TYK2: variants seen among roughly 807,000 people sequenced by gnomAD.
The protein encoded by TYK2 is tyrosine kinase 2.
A neutral mutation model predicts 130.9 loss-of-function variants in TYK2; 65 were observed. The observed-to-expected ratio is 0.50, with a 90% CI of 0.41 to 0.61. TYK2 has a LOEUF of 0.61. Among genes scored for constraint, TYK2 ranks in the 20% least tolerant of loss-of-function variants. The pLI is 0.00. For synonymous variants in TYK2, 647 were observed against 658.9 expected, an observed-to-expected ratio of 0.98 and a Z score of 0.28; for missense variants, 1,378 against 1,610.7, an observed-to-expected ratio of 0.86 and a Z score of 2.47.
At chr19:10,371,416 G>A (rs1291389527) in intron 3 of TYK2, among the ~76,000 whole-genome samples, 8 of 152,056 alleles carry the variant, frequency 5.3e-5, no homozygotes, top group Admixed American at 2.0e-4. Context: ...TGAGGGAGGC[G>A]GATCACCTGA....
intron 14 of TYK2, among the ~76,000 whole-genome samples, chr19:10,359,721 T>G (rs1344999222): frequency 2.0e-5 from 3 of 151,320 alleles, no homozygotes; most frequent in African/African-American, 2.4e-5. Flanking sequence ...GGCTCACGCC[T>G]GTAATCCCAG....
In TYK2 at chr19:10,364,601, A is replaced by G; in HGVS notation, c.1367+13T>C. The G allele has an allele frequency of 6.2e-7, 1 of 1,613,288 alleles. No individual in the cohort carries two copies. Among genetic ancestry groups the G allele is most frequent in the Non-Finnish European group, 8.5e-7 (1 of 1,179,892 alleles). On this transcript the variant is annotated intron_variant, in intron 9 of 24. Coordinates refer to ENST00000525621, the MANE Select transcript of TYK2 (RefSeq NM_003331.5). The surrounding 1 kb of genome is among the most constrained non-coding windows in gnomAD (Gnocchi z 4.9). The stretch of plus-strand genomic sequence containing the variant: ...TTGGCGGTGGCCCCCAGCGCCCCCC[A>G]CCCAGCACTCACAGCAGGGGTCCGT...
At chr19:10,369,013 T>C (rs1012418683) in intron 3 of TYK2, among the ~76,000 whole-genome samples, 1 of 152,158 alleles carries the variant, frequency 6.6e-6, no homozygotes, top group Admixed American at 6.6e-5. Flanking sequence ...TTCGCCATGT[T>C]GGCCAGGCTG....
At chr19:10,372,480 A>T (rs746958663) in intron 3 of TYK2, among the ~76,000 whole-genome samples, 2,104 of 63,584 alleles carry the variant, frequency 0.033, 83 homozygotes, top group Non-Finnish European at 0.039. Flanking sequence ...ATATATATAT[A>T]TATATTTTTT....
intron 3 of TYK2, among the ~76,000 whole-genome samples, chr19:10,375,475 G>A (rs193046105): frequency 8.4e-4 from 127 of 152,068 alleles, no homozygotes; most frequent in African/African-American, 2.8e-3. Flanking sequence ...AAAACTAGCC[G>A]GGCGTGGGGT....
chr19:10,375,732 C>T (rs1416580715), intron 3 of TYK2, among the ~76,000 whole-genome samples: 18 of 140,000 alleles, frequency 1.3e-4, no homozygotes, highest in Non-Finnish European at 2.6e-4. Context: ...CTGGCTAACA[C>T]GGTGAAACCC....
intron 3 of TYK2, 88 bp from the exon 4 acceptor site, chr19:10,368,506 A>G (rs758231071): frequency 4.0e-5 from 64 of 1,587,698 alleles, no homozygotes; most frequent in Non-Finnish European, 1.0e-5. Flanking sequence ...CTGCCTTCAC[A>G]CTCCCTCTGA....
intron 22 of TYK2, 146 bp downstream of exon 22, chr19:10,352,780 C>T (rs998999125): frequency 1.3e-5 from 14 of 1,105,644 alleles, no homozygotes; most frequent in Non-Finnish European, 1.8e-5. Context: ...CCGCCCCTTG[C>T]CTCCATAGGC....
intron 9 of TYK2, among the ~76,000 whole-genome samples, chr19:10,363,506 G>C (rs2145230648): frequency 6.6e-6 from 1 of 152,210 alleles, no homozygotes; most frequent in South Asian, 2.1e-4. Flanking sequence ...CTTGACGCCA[G>C]ACGGGCCCTG....
rs186050577 is a variant in TYK2 at position 10,377,718 on chromosome 19, A to T, written c.193+496T>A. 3.0e-3 allele frequency among the ~76,000 whole-genome samples: 71 copies of T among 23,548 alleles called. 2 individuals carry two copies. The highest frequency in any genetic ancestry group is 3.9e-3 in the Non-Finnish European group (48 of 12,450). 15.4% of individuals were successfully genotyped at this position (23,548 alleles called of 152,430 possible). ...GATAGATGGATGAATGGGTGGGTGG[A>T]TGGATGGGTGGATGGGTGGGTGGGT... On this transcript the variant is annotated intron_variant, in intron 3 of 24. Transcript: ENST00000525621.
chr19:10,376,007 CTTTTTT>C (rs898207480), intron 3 of TYK2, among the ~76,000 whole-genome samples: 1 of 134,644 alleles, frequency 7.4e-6, no homozygotes, highest in Non-Finnish European at 1.6e-5. Flanking sequence ...GCCTTTCTTT[CTTTTTT>C]TTTTTTTTTT....
At chr19:10,378,568 C>G (rs2042253562) in intron 2 of TYK2, 142 bp from the exon 3 acceptor site, 2 of 658,374 alleles carry the variant, frequency 3.0e-6, no homozygotes. Context: ...ACCCGATTCC[C>G]TCTCTGAGTC....
rs144332908 is a variant in TYK2, at chr19:10,354,557, C to G, written c.2670G>C (p.Thr890=). ...VNPDSPASDP[T]VFHKRYLKKI... is the part of the protein sequence containing the mutation. Reference sequence around the variant, plus strand: ...TTTTCAAATAGCGCTTGTGGAAAACCGTAGGGTCCGACGCCGGTGAGTCCG... The same window carrying G: ...TTTTCAAATAGCGCTTGTGGAAAACGGTAGGGTCCGACGCCGGTGAGTCCG... Residue 890 remains threonine, a synonymous_variant, in exon 19 of 25, where the codon ACG becomes ACC. Transcript: ENST00000525621. The G allele has an allele frequency of 3.4e-4, 551 of 1,613,908 alleles. No individual in the cohort carries two copies. Among genetic ancestry groups the G allele is most frequent in the Non-Finnish European group, 4.5e-4 (533 of 1,180,030 alleles).
At chr19:10,358,543 T>G (rs1385846170) in intron 15 of TYK2, among the ~76,000 whole-genome samples, 2 of 151,906 alleles carry the variant, frequency 1.3e-5, no homozygotes, top group African/African-American at 4.8e-5. Context: ...GGCCTCAAAT[T>G]CCTGAGCTCA....
Position 10,365,665 on chromosome 19 carries a change from C to G in TYK2, c.863G>C (p.Gly288Ala). ...ACTGTCCCGGATGTAGCAGGGCTCCCCCTCGGCCTGGGCCAGCAGCCTCAG... is the reference window on the plus strand; with the variant it reads ...ACTGTCCCGGATGTAGCAGGGCTCCGCCTCGGCCTGGGCCAGCAGCCTCAG... ...CHLRLLAQAE[G>A]EPCYIRDSGV... Residue 288 changes from glycine (G) to alanine (A), a missense_variant, in exon 7 of 25, where the codon GGG (glycine) becomes GCG (alanine). Gly to Ala is a moderately conservative substitution (Grantham distance 60). Coordinates refer to ENST00000525621, the MANE Select transcript of TYK2 (RefSeq NM_003331.5). 6.2e-7 allele frequency: 1 copy of G among 1,613,514 alleles called. No individual in the cohort carries two copies. The highest frequency in any genetic ancestry group is 8.5e-7 in the Non-Finnish European group (1 of 1,179,854).
Position 10,378,216 on chromosome 19 carries a change from A to T in TYK2, c.191T>A (p.Val64Asp). ...EEVCIHIAHK[V>D]GITPPCFNLF... Reference sequence around the variant, plus strand: ...TGGTGCCAACGCCCCAGACTCACCAACTTTATGTGCAATGTGGATGCAGAC... The same window carrying T: ...TGGTGCCAACGCCCCAGACTCACCATCTTTATGTGCAATGTGGATGCAGAC... The change falls in exon 3 of 25, where the codon GTT becomes GAT. Residue 64 changes from valine (V) to aspartate (D), a missense_variant and splice_region_variant. Coordinates refer to ENST00000525621, the MANE Select transcript of TYK2 (RefSeq NM_003331.5). 6.2e-7 allele frequency: 1 copy of T among 1,612,884 alleles called. No individual in the cohort carries two copies.
intron 5 of TYK2, among the ~76,000 whole-genome samples, chr19:10,366,952 G>C (rs1489068821): frequency 2.0e-5 from 3 of 151,610 alleles, no homozygotes; most frequent in Non-Finnish European, 4.4e-5. Flanking sequence ...GCTGAGGCAG[G>C]AGAATCACTT....
Position 10,353,171 on chromosome 19 carries a change from G to T in TYK2, c.3028-73C>A. The T allele has an allele frequency of 7.5e-7, 1 of 1,327,382 alleles. No individual in the cohort carries two copies. Among genetic ancestry groups the T allele is most frequent in the Non-Finnish European group, 9.9e-7 (1 of 1,007,368 alleles). 82.2% of individuals were successfully genotyped at this position (1,327,382 alleles called of 1,614,324 possible). A position where few individuals can be genotyped will look rare whatever the true frequency, so the allele number is the denominator to read the frequency against. On this transcript the variant is annotated intron_variant, in intron 21 of 24. Coordinates refer to ENST00000525621, the MANE Select transcript of TYK2 (RefSeq NM_003331.5). This position sits in a 1 kb window ranked among gnomAD's most constrained non-coding sequence, Gnocchi z 6.9. Reference sequence around the variant, plus strand: ...CGGGGGCGGCGGCAGGACCTGAGCAGCCAGGAGGGCTGGGGGACAGTCAGG... The same window carrying T: ...CGGGGGCGGCGGCAGGACCTGAGCATCCAGGAGGGCTGGGGGACAGTCAGG...
intron 3 of TYK2, among the ~76,000 whole-genome samples, chr19:10,376,036 G>A (rs2042109858): frequency 6.7e-6 from 1 of 148,544 alleles, no homozygotes; most frequent in Admixed American, 6.7e-5. Context: ...CTTTGAGATG[G>A]AGTTTCGCTC....
Sources: allele counts gnomAD v4.1 joint callset (sites outside exome capture counted in the v4.1 genomes callset), GRCh38; gene constraint gnomAD v4.1.1; non-coding constraint Gnocchi (gnomAD v3.1); transcripts MANE v1.5; gene names NCBI Gene and HGNC (gene_info 2026-07-23, HGNC 2026-07-21).